Variants in RUNDC3B observed in about 807,000 individuals in gnomAD.
RUNDC3B encodes the protein RUN domain containing 3B.
In RUNDC3B, 33 loss-of-function variants were observed where a neutral mutation model predicts 58.4. The observed-to-expected ratio is 0.56, with a 90% CI of 0.43 to 0.75. The LOEUF (loss-of-function observed/expected upper bound fraction) is 0.75, where lower values mean the gene tolerates loss of function less well. Ranked by LOEUF, RUNDC3B falls within the 30% of genes least tolerant of loss-of-function variation. RUNDC3B has a pLI of 0.00. For synonymous variants in RUNDC3B, 193 were observed against 195.2 expected, an observed-to-expected ratio of 0.99 and a Z score of 0.10; for missense variants, 501 against 535.7, an observed-to-expected ratio of 0.94 and a Z score of 0.64.
At chr7:87,709,522 T>C in intron 3 of RUNDC3B, 1 of 985,306 alleles carries the variant, frequency 1.0e-6, no homozygotes, top group Non-Finnish European at 1.2e-6. Context: ...GTAAATTGAC[T>C]CGCATGCTAA....
At chr7:87,795,219 A>C (rs907961079) in intron 8 of RUNDC3B, among the ~76,000 whole-genome samples, 1 of 152,218 alleles carries the variant, frequency 6.6e-6, no homozygotes, top group Non-Finnish European at 1.5e-5. Context: ...AAATATTTGC[A>C]AACTATCCAT....
At chr7:87,714,007 T>C (rs1830321598) in intron 4 of RUNDC3B, among the ~76,000 whole-genome samples, 1 of 152,174 alleles carries the variant, frequency 6.6e-6, no homozygotes. Context: ...AGGAGTAAAG[T>C]ATAAAATAAA....
intron 8 of RUNDC3B, among the ~76,000 whole-genome samples, chr7:87,801,440 A>G (rs1349940248): frequency 6.6e-6 from 1 of 151,960 alleles, no homozygotes; most frequent in African/African-American, 2.4e-5. Context: ...TCCATTTTTT[A>G]CCTGGGATGA....
intron 6 of RUNDC3B, among the ~76,000 whole-genome samples, chr7:87,763,837 T>C (rs1418594506): frequency 6.6e-6 from 1 of 151,800 alleles, no homozygotes; most frequent in Non-Finnish European, 1.5e-5. Context: ...TAAGAACATC[T>C]TGTTGGTCAG....
intron 8 of RUNDC3B, among the ~76,000 whole-genome samples, chr7:87,802,043 G>T (rs188379358): frequency 6.6e-6 from 1 of 152,286 alleles, no homozygotes; most frequent in Admixed American, 6.5e-5. Context: ...TTAATCCAGA[G>T]TCTTATTGTA....
intron 7 of RUNDC3B, among the ~76,000 whole-genome samples, chr7:87,777,106 A>G (rs1340437191): frequency 6.6e-6 from 1 of 152,204 alleles, no homozygotes; most frequent in Non-Finnish European, 1.5e-5. Flanking sequence ...GAGAAAGTAA[A>G]GAGTAAAAGG....
rs1199949334 is a variant in RUNDC3B, at chr7:87,719,274, G to T, written c.458+8619G>T. 3.3e-5 allele frequency among the ~76,000 whole-genome samples: 5 copies of T among 151,930 alleles called. No individual in the cohort carries two copies. In the East Asian group the frequency reaches 9.6e-4, roughly 29 times the overall value. The stretch of plus-strand genomic sequence containing the variant: ...AAATGGGAAGAAGTCTTTTACTTTT[G>T]TGTGAGGTGCTTAAACTTTATAGAA... On this transcript the variant is annotated intron_variant, in intron 4 of 10. Transcript: ENST00000394654.
intron 3 of RUNDC3B, among the ~76,000 whole-genome samples, chr7:87,705,150 C>T (rs888885326): frequency 2.0e-5 from 3 of 151,996 alleles, no homozygotes; most frequent in Non-Finnish European, 2.9e-5. Context: ...ATGGGCCAGG[C>T]GTGGTGGCTC....
intron 4 of RUNDC3B, among the ~76,000 whole-genome samples, chr7:87,715,891 G>A (rs534333076): frequency 2.0e-4 from 31 of 152,112 alleles, no homozygotes; most frequent in African/African-American, 7.5e-4. Context: ...TGGAGTAAGT[G>A]CGTGATATTG....
chr7:87,686,774 T>C (rs977673553), intron 2 of RUNDC3B, among the ~76,000 whole-genome samples: 10 of 139,662 alleles, frequency 7.2e-5, no homozygotes, highest in African/African-American at 2.7e-4. Context: ...ACCCCGCCTC[T>C]AGAAAAAAAA....
In RUNDC3B at chr7:87,831,105, AC is replaced by A. The variant is rs942011068; in HGVS notation, c.*1076del. The A allele has an allele frequency of 3.9e-4, 57 of 147,966 alleles. No homozygotes were observed. The highest frequency in any genetic ancestry group is 1.3e-3 in the African/African-American group (50 of 39,864). The allele number at this position is 147,966 out of a possible 1,614,324, so 9.2% of individuals were successfully genotyped here. A position where few individuals can be genotyped will look rare whatever the true frequency, so the allele number is the denominator to read the frequency against. On this transcript the variant is annotated 3_prime_UTR_variant, in exon 11 of 11. Transcript: ENST00000394654. ...TTTTTTTTTTAAAGTTGTAATCTGT[AC>A]TTTTTTTTTTTTGCAATTTTTGAAA...
intron 8 of RUNDC3B, among the ~76,000 whole-genome samples, chr7:87,798,394 G>T (rs1191974280): frequency 1.3e-5 from 2 of 152,084 alleles, no homozygotes; most frequent in Non-Finnish European, 2.9e-5. Context: ...CTTCTTGTTT[G>T]TTTTGTTTGT....
At chr7:87,655,694 A>G (rs1008806566) in intron 2 of RUNDC3B, among the ~76,000 whole-genome samples, 3 of 152,144 alleles carry the variant, frequency 2.0e-5, no homozygotes, top group Non-Finnish European at 2.9e-5. Context: ...AAATTCCTAA[A>G]AGAGTATATT....
intron 8 of RUNDC3B, among the ~76,000 whole-genome samples, chr7:87,802,939 C>T (rs568592217): frequency 1.3e-5 from 2 of 152,050 alleles, no homozygotes; most frequent in East Asian, 3.9e-4. Context: ...GAGCCATGAT[C>T]GTATCACTGC....
At chr7:87,741,066 A>G (rs1484656648) in intron 5 of RUNDC3B, among the ~76,000 whole-genome samples, 1 of 152,014 alleles carries the variant, frequency 6.6e-6, no homozygotes, top group Non-Finnish European at 1.5e-5. Context: ...TTACCCAGGC[A>G]TGGTAGTGGG....
intron 1 of RUNDC3B, among the ~76,000 whole-genome samples, chr7:87,644,133 A>G (rs1403114388): frequency 2.6e-5 from 4 of 152,266 alleles, no homozygotes; most frequent in Non-Finnish European, 4.4e-5. Flanking sequence ...TGTTGGGATT[A>G]CAGGCGTGAG....
chr7:87,677,623 TA>T (rs1312081684), intron 2 of RUNDC3B, among the ~76,000 whole-genome samples: 1 of 152,054 alleles, frequency 6.6e-6, no homozygotes. Context: ...ATTGCTATGA[TA>T]GTAGATCTCA....
At chr7:87,643,075 CCTGA>C (rs1822611967) in intron 1 of RUNDC3B, among the ~76,000 whole-genome samples, 1 of 152,204 alleles carries the variant, frequency 6.6e-6, no homozygotes, top group South Asian at 2.1e-4. Context: ...TTCCACCATG[CCTGA>C]CTAATTTTTA....
intron 1 of RUNDC3B, 41 bp downstream of exon 1, chr7:87,628,986 G>C (rs754779154): frequency 6.9e-6 from 9 of 1,303,088 alleles, no homozygotes; most frequent in Admixed American, 3.2e-5. Context: ...CTCCCGCCGG[G>C]GCTGAGAGCT....
Sources: gnomAD v4.1 joint callset for allele counts (sites outside exome capture counted in the v4.1 genomes callset) on GRCh38, gnomAD v4.1.1 for gene constraint, MANE v1.5 for transcripts, NCBI Gene and HGNC (gene_info 2026-07-23, HGNC 2026-07-21) for gene names.